The following GORASP2 variants were observed in gnomAD, a reference collection of about 807,000 sequenced individuals.
The protein encoded by GORASP2 is Golgi reassembly-stacking protein 2.
Under a neutral mutation model 45.7 loss-of-function variants are expected in GORASP2, and 22 were observed. That is an observed-to-expected ratio of 0.48 (90% CI 0.34 to 0.69). The LOEUF (loss-of-function observed/expected upper bound fraction) is 0.69, where lower values mean the gene tolerates loss of function less well. GORASP2 is among the 30% of genes least tolerant of loss of function. The pLI, the probability that GORASP2 is intolerant of heterozygous loss-of-function variation, is 0.01. For missense variants in GORASP2, 491 were observed against 562.7 expected, an observed-to-expected ratio of 0.87 and a Z score of 1.29; for synonymous variants, 221 against 215.6, an observed-to-expected ratio of 1.02 and a Z score of -0.22.
intron 6 of GORASP2, among the ~76,000 whole-genome samples, chr2:170,955,852 G>A (rs971467384): frequency 6.6e-6 from 1 of 152,240 alleles, no homozygotes; most frequent in African/African-American, 2.4e-5. Context: ...TGGAGCTGCA[G>A]AAGGTGGGTT....
chr2:170,944,657 G>A (rs1203760133), intron 1 of GORASP2, among the ~76,000 whole-genome samples: 1 of 152,142 alleles, frequency 6.6e-6, no homozygotes, highest in Non-Finnish European at 1.5e-5. Flanking sequence ...GGGTGGCCTA[G>A]TAAGAATCAG....
Position 170,961,779 on chromosome 2 carries a change from G to A in GORASP2, c.910+30G>A, listed in dbSNP as rs2557804. 1 allele frequency: 1,050,424 copies of A among 1,050,446 alleles called. 525,201 individuals are homozygous for A. Among genetic ancestry groups the A allele is most frequent in the Middle Eastern group, 1 (4,990 of 4,990 alleles). The allele number at this position is 1,050,446 out of a possible 1,614,324, so 65.1% of individuals were successfully genotyped here. On this transcript the variant is annotated intron_variant, in intron 8 of 9. Coordinates refer to ENST00000234160, the MANE Select transcript of GORASP2 (RefSeq NM_015530.5). ...CCACCAGGGGACTAGAGATGTGGCTGATAATAACAGTATTACTGATATTTG... is the reference window on the plus strand; with the variant it reads ...CCACCAGGGGACTAGAGATGTGGCTAATAATAACAGTATTACTGATATTTG...
chr2:170,963,432 ACTGCTGCTGCTGCTG>A (rs1186217335), intron 9 of GORASP2, among the ~76,000 whole-genome samples: 1 of 133,828 alleles, frequency 7.5e-6, no homozygotes, highest in Non-Finnish European at 1.6e-5. Flanking sequence ...CCCCGCTGCT[ACTGCTGCTGCTGCTG>A]CTGCTCCTCC....
At chr2:170,963,820 T>C (rs1206071545) in intron 9 of GORASP2, among the ~76,000 whole-genome samples, 1 of 152,090 alleles carries the variant, frequency 6.6e-6, no homozygotes, top group Non-Finnish European at 1.5e-5. Context: ...TTTTTTTGTA[T>C]TTTTTGTAGA....
At chr2:170,936,638 G>T in intron 1 of GORASP2, 1 of 1,300,484 alleles carries the variant, frequency 7.7e-7, no homozygotes, top group Non-Finnish European at 1.0e-6. Context: ...AATGAGAGAA[G>T]GCTCAAGCAC....
chr2:170,932,386 T>G (rs1353449698), intron 1 of GORASP2, among the ~76,000 whole-genome samples: 1 of 152,232 alleles, frequency 6.6e-6, no homozygotes, highest in East Asian at 1.9e-4. Flanking sequence ...ATGCTTTCAG[T>G]TAGCTCACGG....
chr2:170,931,320 G>A (rs1703817977), intron 1 of GORASP2, among the ~76,000 whole-genome samples: 1 of 152,176 alleles, frequency 6.6e-6, no homozygotes, highest in Non-Finnish European at 1.5e-5. Context: ...AAGACCCTCT[G>A]CCCCTGATTC....
chr2:170,955,824 G>C (rs1038277400), intron 6 of GORASP2, among the ~76,000 whole-genome samples: 2 of 152,208 alleles, frequency 1.3e-5, no homozygotes, highest in African/African-American at 2.4e-5. Flanking sequence ...GGTTGTCTCG[G>C]AATGTACTGA....
chr2:170,960,066 C>G (rs930232695), intron 7 of GORASP2, among the ~76,000 whole-genome samples: 1 of 152,112 alleles, frequency 6.6e-6, no homozygotes, highest in Non-Finnish European at 1.5e-5. Flanking sequence ...GGTGATCCAC[C>G]TACCTCAGCT....
chr2:170,960,666 A>G (rs147052699), intron 7 of GORASP2, among the ~76,000 whole-genome samples: 95 of 152,372 alleles, frequency 6.2e-4, no homozygotes, highest in Non-Finnish European at 8.7e-4. Context: ...GCACACACTC[A>G]CTAACATTTT....
chr2:170,954,586 A>G, intron 5 of GORASP2, 64 bp from the exon 6 acceptor site: 1 of 1,474,114 alleles, frequency 6.8e-7, no homozygotes, highest in Non-Finnish European at 9.3e-7. Flanking sequence ...CCCCCCAAAA[A>G]AAACACCTCA....
Position 170,944,964 on chromosome 2 carries a change from C to G in GORASP2, c.64-3386C>G, listed in dbSNP as rs531539554. 3.9e-5 allele frequency among the ~76,000 whole-genome samples: 6 copies of G among 152,228 alleles called. No individual in the cohort carries two copies. In the South Asian group the frequency reaches 1.2e-3, roughly 32 times the overall value. On this transcript the variant is annotated intron_variant, in intron 1 of 9. Coordinates refer to ENST00000234160, the MANE Select transcript of GORASP2 (RefSeq NM_015530.5). ...GAGGCCTTTCACATCTAATTGATAA[C>G]CACCTAATAGGCATTTCACATCTAG...
chr2:170,965,355 C>T (rs765302214), intron 9 of GORASP2, among the ~76,000 whole-genome samples: 1 of 152,240 alleles, frequency 6.6e-6, no homozygotes, highest in African/African-American at 2.4e-5. Flanking sequence ...CTGCTGCCTT[C>T]GCAGGAGGGT....
At chr2:170,958,126 G>C (rs558318586) in intron 7 of GORASP2, among the ~76,000 whole-genome samples, 3 of 152,226 alleles carry the variant, frequency 2.0e-5, no homozygotes, top group Admixed American at 6.5e-5. Flanking sequence ...CAGCTCTTTA[G>C]TCCTGGTTTT....
intron 8 of GORASP2, 62 bp downstream of exon 8, chr2:170,961,811 A>G (rs1432984681): frequency 7.0e-6 from 6 of 857,118 alleles, no homozygotes; most frequent in Non-Finnish European, 1.2e-5. Flanking sequence ...TTTGCATCTT[A>G]AAAACAATGA....
chr2:170,948,011 G>A (rs532601361), intron 1 of GORASP2, among the ~76,000 whole-genome samples: 1 of 152,110 alleles, frequency 6.6e-6, no homozygotes, highest in East Asian at 1.9e-4. Context: ...GTCCTCCCAG[G>A]TACTCGGGAG....
intron 1 of GORASP2, among the ~76,000 whole-genome samples, chr2:170,937,072 A>G (rs1336014905): frequency 6.6e-6 from 1 of 152,036 alleles, no homozygotes; most frequent in African/African-American, 2.4e-5. Flanking sequence ...GACCGGCATG[A>G]TGGCGCGTGC....
chr2:170,951,427 AC>A lies in GORASP2; in HGVS notation c.536del (p.Thr179AsnfsTer12). Reference protein sequence around the residue: ...DTDNCREVIITPNSAWGGEGS... With the variant: ...DTDNCREVIIXPNSAWGGEGS... The stretch of plus-strand genomic sequence containing the variant: ...TGATAACTGTCGAGAAGTGATTATT[AC>A]ACCAAATTCTGCATGGGGTGGAGAA... On this transcript the variant is annotated frameshift_variant, in exon 5 of 10. Coordinates refer to ENST00000234160, the MANE Select transcript of GORASP2 (RefSeq NM_015530.5). LOFTEE classifies it high-confidence loss of function. 1 of 1,611,784 alleles carries A rather than the reference AC, an allele frequency of 6.2e-7. No individual in the cohort carries two copies. The highest frequency in any genetic ancestry group is 8.5e-7 in the Non-Finnish European group (1 of 1,179,194).
chr2:170,929,848 G>C, intron 1 of GORASP2: 1 of 454,018 alleles, frequency 2.2e-6, no homozygotes, highest in Non-Finnish European at 4.6e-6. Context: ...TCCGGAGGCG[G>C]GGCCTGCGGC....
Sources: gnomAD v4.1 joint callset for allele counts (sites outside exome capture counted in the v4.1 genomes callset) on GRCh38, gnomAD v4.1.1 for gene constraint, MANE v1.5 for transcripts, NCBI Gene and HGNC (gene_info 2026-07-23, HGNC 2026-07-21) for gene names.